Variants in CAPN12 observed in about 807,000 individuals in gnomAD.
CAPN12 encodes calpain 12.
In CAPN12, 107 loss-of-function variants were observed where a neutral mutation model predicts 95.0. The observed-to-expected ratio is 1.13, with a 90% CI of 0.96 to 1.32. The LOEUF (loss-of-function observed/expected upper bound fraction) is 1.32. Among genes scored for constraint, CAPN12 ranks in the 40% most tolerant of loss-of-function variants. The pLI is 0.00. For missense variants in CAPN12, 1,136 were observed against 997.8 expected (o/e 1.14, Z -1.87); for synonymous variants, 505 against 415.5 (o/e 1.22, Z -2.62).
In CAPN12 at chr19:38,736,326, CG is replaced by C. The variant is rs1171681947; in HGVS notation, c.1375-9del. On this transcript the variant is annotated splice_polypyrimidine_tract_variant and intron_variant, in intron 11 of 20. Coordinates refer to ENST00000328867, the MANE Select transcript of CAPN12 (RefSeq NM_144691.4). ...ATCCCAGAGGCCCAGCAGCTGGGGA[CG>C]GGGCGGCATGACCACGGACCAGGCT... 19 of 1,447,928 alleles carry C rather than the reference CG, an allele frequency of 1.3e-5. No individual in the cohort carries two copies. The highest frequency in any genetic ancestry group is 1.6e-5 in the Non-Finnish European group (18 of 1,102,092). The allele number at this position is 1,447,928 out of a possible 1,614,324, so 89.7% of individuals were successfully genotyped here.
chr19:38,735,126 G>A, intron 14 of CAPN12: 1 of 605,632 alleles, frequency 1.7e-6, no homozygotes, highest in Non-Finnish European at 2.9e-6. Flanking sequence ...CACCTTAGAT[G>A]AGACCTGAGC....
chr19:38,737,841 C>T (rs374125087), intron 8 of CAPN12, among the ~76,000 whole-genome samples: 9 of 152,206 alleles, frequency 5.9e-5, no homozygotes, highest in African/African-American at 2.2e-4. Flanking sequence ...CACAAATCGC[C>T]AAGATTCACA....
Position 38,740,076 on chromosome 19 carries a change from T to A in CAPN12, c.704A>T (p.Glu235Val), listed in dbSNP as rs577423988. 5.6e-5 allele frequency: 89 copies of A among 1,603,344 alleles called. No individual in the cohort carries two copies. The highest frequency in any genetic ancestry group is 1.8e-4 in the Middle Eastern group (1 of 5,668). Reference sequence around the variant, plus strand: ...CAGGGCAGTGGCGCCCACGAGGGACTCCTTGGCCAGGGCATGGCGCAGGGC... The same window carrying A: ...CAGGGCAGTGGCGCCCACGAGGGACACCTTGGCCAGGGCATGGCGCAGGGC... ...FSALRHALAK[E>V]SLVGATALSD... Residue 235 changes from glutamate to valine, a missense_variant, in exon 5 of 21, where the codon GAG (glutamate) becomes GTG (valine). Physicochemically the swap from Glu to Val is moderately radical, Grantham distance 121. Transcript: ENST00000328867.
chr19:38,741,695 T>C (rs1970553613), intron 4 of CAPN12, 82 bp downstream of exon 4: 1 of 1,543,010 alleles, frequency 6.5e-7, no homozygotes, highest in East Asian at 2.3e-5. Flanking sequence ...ATTGCAGAGC[T>C]TGGGGGACTC....
chr19:38,738,543 G>T, intron 6 of CAPN12, 31 bp downstream of exon 6: 1 of 1,613,794 alleles, frequency 6.2e-7, no homozygotes. Flanking sequence ...CCTGGACATG[G>T]CCTGCCACCC....
rs1244375802 is a variant in CAPN12, at chr19:38,730,366, C to T, written c.*486G>A. On this transcript the variant is annotated 3_prime_UTR_variant, in exon 21 of 21. Transcript: ENST00000328867. ...CGTCGGGCGTGGGTCTCTGGGGACCCTCCAGAGGTGGAGGTGGGCTGATGG... is the reference window on the plus strand; with the variant it reads ...CGTCGGGCGTGGGTCTCTGGGGACCTTCCAGAGGTGGAGGTGGGCTGATGG... The T allele has an allele frequency of 5.3e-6, 1 of 187,944 alleles. No individual in the cohort carries two copies. Among genetic ancestry groups the T allele is most frequent in the Non-Finnish European group, 1.1e-5 (1 of 88,948 alleles). The allele number at this position is 187,944 out of a possible 1,614,324, so 11.6% of individuals were successfully genotyped here.
chr19:38,732,152 G>A (rs574031271), intron 18 of CAPN12, among the ~76,000 whole-genome samples: 9 of 152,350 alleles, frequency 5.9e-5, no homozygotes, highest in Non-Finnish European at 7.3e-5. Context: ...CTCCTGGCAT[G>A]TAACAGGCAC....
intron 18 of CAPN12, 93 bp downstream of exon 18, chr19:38,733,610 C>G: frequency 8.6e-7 from 1 of 1,166,584 alleles, no homozygotes; most frequent in South Asian, 1.3e-5. Flanking sequence ...GGCCACAGTG[C>G]AGACGGCCAC....
rs764182430 is a variant in CAPN12 at position 38,738,339 on chromosome 19, C to T, written c.899G>A (p.Arg300His). The change falls in exon 8 of 21, where the codon CGC (arginine) becomes CAC (histidine). Residue 300 changes from arginine (R) to histidine (H), a missense_variant. Coordinates refer to ENST00000328867, the MANE Select transcript of CAPN12 (RefSeq NM_144691.4). ...WTGAWSDSCPRWDTLPTECRD... is the reference protein window; with the variant it reads ...WTGAWSDSCPHWDTLPTECRD... Reference sequence around the variant, plus strand: ...GCACTCGGTGGGGAGTGTGTCCCAGCGTGGGCAGCTGGAGAGACTGTGGTG... The same window carrying T: ...GCACTCGGTGGGGAGTGTGTCCCAGTGTGGGCAGCTGGAGAGACTGTGGTG... The T allele has an allele frequency of 5.0e-6, 8 of 1,611,856 alleles. No individual in the cohort carries two copies. Among genetic ancestry groups the T allele is most frequent in the East Asian group, 4.5e-5 (2 of 44,884 alleles).
rs1000857471 is a variant in CAPN12, at chr19:38,736,112, G to C, written c.1581C>G (p.Ala527=). 1.2e-4 allele frequency: 178 copies of C among 1,498,540 alleles called. No individual in the cohort carries two copies. The highest frequency in any genetic ancestry group is 1.5e-4 in the Non-Finnish European group (174 of 1,127,472). The allele number at this position is 1,498,540 out of a possible 1,614,324, so 92.8% of individuals were successfully genotyped here. Residue 527 remains alanine, a splice_region_variant and synonymous_variant, in exon 12 of 21, where the codon GCC becomes GCG. Transcript: ENST00000328867. ...LRVFSERRHT[A]VEIDDVISAD... Reference sequence around the variant, plus strand: ...GGATTTGGGTGCCCGGGGCTCACACGGCCGTGTGGCGGCGCTCGGAGAAGA... The same window carrying C: ...GGATTTGGGTGCCCGGGGCTCACACCGCCGTGTGGCGGCGCTCGGAGAAGA...
In CAPN12 at chr19:38,734,795, C is replaced by T. The variant is rs1379894059; in HGVS notation, c.1744+18G>A. 1.9e-6 allele frequency: 3 copies of T among 1,611,294 alleles called. No homozygotes were observed. Among genetic ancestry groups the T allele is most frequent in the Admixed American group, 1.7e-5 (1 of 59,924 alleles). On this transcript the variant is annotated intron_variant, in intron 15 of 20. Transcript: ENST00000328867. ...CTGGCTAAGACCCCTCCTCCTGCCC[C>T]TATCCCAGCCAACTCACCAGGCTCC...
intron 8 of CAPN12, 45 bp from the exon 9 acceptor site, chr19:38,737,683 G>A (rs1361380148): frequency 6.7e-7 from 1 of 1,488,750 alleles, no homozygotes; most frequent in Non-Finnish European, 8.9e-7. Context: ...CACCTCGAGG[G>A]GGTCCCAAGA....
chr19:38,735,654 G>A (rs1323972243), intron 12 of CAPN12, 110 bp from the exon 13 acceptor site: 1 of 637,818 alleles, frequency 1.6e-6, no homozygotes, highest in Non-Finnish European at 2.2e-6. Context: ...GGACCGTGGA[G>A]CCCTGGGCTC....
chr19:38,742,564 G>T (rs1412136765), intron 2 of CAPN12, 36 bp from the exon 3 acceptor site: 1 of 1,481,778 alleles, frequency 6.7e-7, no homozygotes, highest in South Asian at 1.2e-5. Flanking sequence ...GAGGATGGAA[G>T]GAGGGAGGCC....
At chr19:38,733,993 G>A (rs1005629276) in intron 17 of CAPN12, 149 bp downstream of exon 17, 57 of 873,928 alleles carry the variant, frequency 6.5e-5, no homozygotes, top group Middle Eastern at 2.7e-4. Flanking sequence ...AGGCTGGGTG[G>A]GGGCAGGGAT....
In CAPN12 at chr19:38,744,366, T is replaced by C. The variant is rs185953568; in HGVS notation, c.-201A>G. 261 of 609,108 alleles carry C rather than the reference T, an allele frequency of 4.3e-4. No individual in the cohort carries two copies. Among genetic ancestry groups the C allele is most frequent in the Non-Finnish European group, 1.1e-4 (37 of 345,628 alleles). 37.7% of individuals were successfully genotyped at this position (609,108 alleles called of 1,614,324 possible). On this transcript the variant is annotated 5_prime_UTR_variant, in exon 1 of 21. Coordinates refer to ENST00000328867, the MANE Select transcript of CAPN12 (RefSeq NM_144691.4). ...TCTTCCCAGGGCGTGGGGCCTTCAG[T>C]TGTGGCCAAGGTAGCAGCTTAATGG...
rs756568364 is a variant in CAPN12, at chr19:38,737,271, G to T, written c.1247C>A (p.Ala416Glu). ...GCACTTGGGCGTGCGGCCCCCCCGC[G>T]CTGGGCCCCGTGCCCCTGCAGCCCC... Reference protein sequence around the residue: ...GWGAAGARGPARGGRTPKCTV... With the variant: ...GWGAAGARGPERGGRTPKCTV... Residue 416 changes from alanine (A) to glutamate (E), a missense_variant, in exon 10 of 21, where the codon GCG (alanine) becomes GAG (glutamate). Ala to Glu is a moderately radical substitution (Grantham distance 107). Coordinates refer to ENST00000328867, the MANE Select transcript of CAPN12 (RefSeq NM_144691.4). 1.9e-6 allele frequency: 3 copies of T among 1,541,342 alleles called. No individual in the cohort carries two copies. The highest frequency in any genetic ancestry group is 1.2e-5 in the South Asian group (1 of 83,600).
chr19:38,734,041 A>C, intron 17 of CAPN12, 101 bp downstream of exon 17: 2 of 1,300,350 alleles, frequency 1.5e-6, no homozygotes, highest in South Asian at 1.3e-5. Flanking sequence ...CTAGTCCAGT[A>C]CCCCCTCGTT....
At chr19:38,740,013 C>T in intron 5 of CAPN12, 38 bp downstream of exon 5, 2 of 1,515,012 alleles carry the variant, frequency 1.3e-6, no homozygotes, top group Admixed American at 4.1e-5. Flanking sequence ...GTGCTCTGGT[C>T]CTGGTGGGGG....
Sources: gnomAD v4.1 joint callset for allele counts (sites outside exome capture counted in the v4.1 genomes callset) on GRCh38, gnomAD v4.1.1 for gene constraint, MANE v1.5 for transcripts, NCBI Gene and HGNC (gene_info 2026-07-23, HGNC 2026-07-21) for gene names.